The following OSBPL2 variants were observed in gnomAD, a reference collection of about 807,000 sequenced individuals.
The protein encoded by OSBPL2 is oxysterol-binding protein-related protein 2.
Under a neutral mutation model 58.4 loss-of-function variants are expected in OSBPL2, and 18 were observed. The observed-to-expected ratio is 0.31, with a 90% CI of 0.21 to 0.46. OSBPL2 has a LOEUF of 0.46. OSBPL2 is among the 20% of genes least tolerant of loss of function. The pLI is 1.00. For synonymous variants in OSBPL2, 221 were observed against 234.1 expected, an observed-to-expected ratio of 0.94 and a Z score of 0.51; for missense variants, 461 against 616.5, an observed-to-expected ratio of 0.75 and a Z score of 2.67.
At position 62,286,606 on chromosome 20, in the gene OSBPL2, C is replaced by T. The variant is rs1601199499; in HGVS notation, c.1020C>T (p.Asp340=). 6.2e-7 allele frequency: 1 copy of T among 1,613,536 alleles called. No homozygotes were observed. The highest frequency in any genetic ancestry group is 1.6e-4 in the Middle Eastern group (1 of 6,062). Residue 340 remains aspartate (D), a synonymous_variant, in exon 11 of 14, where the codon GAC becomes GAT. Coordinates refer to ENST00000313733, the MANE Select transcript of OSBPL2 (RefSeq NM_144498.4). ...AGGATGAAGACTCCGGGAAGGCTGA[C>T]AGCGACGTGGCTGACGACGTGCCTG... The part of the protein sequence containing the change: ...AKLDEDSGKA[D]SDVADDVPVA...
At chr20:62,289,711 C>T (rs779814991) in intron 12 of OSBPL2, among the ~76,000 whole-genome samples, 2 of 152,132 alleles carry the variant, frequency 1.3e-5, no homozygotes, top group Admixed American at 1.3e-4. Flanking sequence ...CGAAACCATC[C>T]TGGCCAACAA....
At chr20:62,262,093 C>G (rs558411530) in intron 3 of OSBPL2, among the ~76,000 whole-genome samples, 70 of 133,110 alleles carry the variant, frequency 5.3e-4, no homozygotes, top group African/African-American at 1.7e-3. Flanking sequence ...ACCCCCCCCC[C>G]ACCCCGTCAC....
At chr20:62,240,243 G>A (rs1259962641) in intron 1 of OSBPL2, among the ~76,000 whole-genome samples, 1 of 152,120 alleles carries the variant, frequency 6.6e-6, no homozygotes, top group Non-Finnish European at 1.5e-5. Flanking sequence ...GAACTTTGTC[G>A]GTGGCACTTC....
chr20:62,251,745 C>T (rs1601154604), intron 1 of OSBPL2, among the ~76,000 whole-genome samples: 1 of 151,886 alleles, frequency 6.6e-6, no homozygotes, highest in South Asian at 2.1e-4. Context: ...AATCCTCCTA[C>T]CATCAGATAC....
Position 62,293,844 on chromosome 20 carries a change from A to G in OSBPL2, c.1400A>G (p.Asp467Gly). ...ACCCCCGACTGGTTGTATGCAGGGG[A>G]TTACTTTGAGCGGAATTTCTCCGAC... The part of the protein sequence containing the change: ...TGTPDWLYAG[D>G]YFERNFSDCP... Residue 467 changes from aspartate (D) to glycine (G), a missense_variant, in exon 14 of 14, where the codon GAT (aspartate) becomes GGT (glycine). Asp to Gly is a moderately conservative substitution (Grantham distance 94). Transcript: ENST00000313733. 1 of 1,613,976 alleles carries G rather than the reference A, an allele frequency of 6.2e-7. No homozygotes were observed. Among genetic ancestry groups the G allele is most frequent in the Non-Finnish European group, 8.5e-7 (1 of 1,179,982 alleles).
intron 4 of OSBPL2, among the ~76,000 whole-genome samples, chr20:62,271,028 TTCTGGTCTC>T (rs1279184870): frequency 1.3e-5 from 2 of 149,870 alleles, no homozygotes; most frequent in African/African-American, 4.9e-5. Flanking sequence ...CCTTGTCCCT[TTCTGGTCTC>T]TCTGGTCCTC....
chr20:62,266,396 G>T (rs1484973826), intron 4 of OSBPL2, among the ~76,000 whole-genome samples: 1 of 152,214 alleles, frequency 6.6e-6, no homozygotes, highest in Non-Finnish European at 1.5e-5. Flanking sequence ...AAAAACACAA[G>T]CACACTTGGC....
rs539271729 is a variant in OSBPL2, at chr20:62,293,962, C to T, written c.*75C>T. The T allele has an allele frequency of 2.1e-5, 32 of 1,553,298 alleles. No individual in the cohort carries two copies. The highest frequency in any genetic ancestry group is 2.3e-5 in the East Asian group (1 of 43,230). ...TTCCTCGAGTGGCCACTGTGAGCCT[C>T]GTCACAGCAGAAACCAACTTTTCTA... On this transcript the variant is annotated 3_prime_UTR_variant, in exon 14 of 14. Coordinates refer to ENST00000313733, the MANE Select transcript of OSBPL2 (RefSeq NM_144498.4).
intron 11 of OSBPL2, among the ~76,000 whole-genome samples, chr20:62,287,454 A>G (rs1983208302): frequency 6.6e-6 from 1 of 152,130 alleles, no homozygotes; most frequent in African/African-American, 2.4e-5. Flanking sequence ...TGGTTTAACA[A>G]TGCTATTTTC....
At chr20:62,293,260 C>A (rs879747146) in intron 13 of OSBPL2, among the ~76,000 whole-genome samples, 1 of 152,106 alleles carries the variant, frequency 6.6e-6, no homozygotes. Flanking sequence ...GAGCGCTGCC[C>A]CCACCCCACC....
At chr20:62,281,249 G>A in intron 8 of OSBPL2, 84 bp downstream of exon 8, 1 of 1,027,956 alleles carries the variant, frequency 9.7e-7, no homozygotes, top group Non-Finnish European at 1.5e-6. Flanking sequence ...CCGTGCTCCT[G>A]GTGGGTTTTA....
Position 62,259,997 on chromosome 20 carries a change from C to T in OSBPL2, c.54C>T (p.Asn18=), listed in dbSNP as rs1981189154. ...CTCGCACAGGCTTTGATTCTGATAA[C>T]TCTTCTGGGGAATTTTCAGAGGCAA... is the stretch of plus-strand genomic sequence containing the variant. The part of the protein sequence containing the change: ...FDAVTGFDSD[N]SSGEFSEANQ... The change falls in exon 3 of 14, where the codon AAC becomes AAT. Residue 18 remains asparagine (N), a synonymous_variant. Transcript: ENST00000313733. The T allele has an allele frequency of 6.2e-7, 1 of 1,613,910 alleles. No individual in the cohort carries two copies. Among genetic ancestry groups the T allele is most frequent in the Non-Finnish European group, 8.5e-7 (1 of 1,179,912 alleles).
intron 3 of OSBPL2, among the ~76,000 whole-genome samples, chr20:62,263,214 C>G (rs1035215669): frequency 2.0e-5 from 3 of 152,198 alleles, no homozygotes; most frequent in African/African-American, 7.2e-5. Flanking sequence ...GCTTTTAATT[C>G]AGGTCACTCT....
chr20:62,239,269 C>T (rs1979558997), intron 1 of OSBPL2, among the ~76,000 whole-genome samples: 1 of 152,210 alleles, frequency 6.6e-6, no homozygotes, highest in Non-Finnish European at 1.5e-5. Flanking sequence ...CTACCTAAAA[C>T]CTATCTTTGG....
rs1034645790 is a variant in OSBPL2 at position 62,295,800 on chromosome 20, T to G, written c.*1913T>G. Reference sequence around the variant, plus strand: ...AGCTGAGAACATCCAGAGGTGAGACTCAGACACATTGAAAGTGACTGCATT... The same window carrying G: ...AGCTGAGAACATCCAGAGGTGAGACGCAGACACATTGAAAGTGACTGCATT... On this transcript the variant is annotated 3_prime_UTR_variant, in exon 14 of 14. Coordinates refer to ENST00000313733, the MANE Select transcript of OSBPL2 (RefSeq NM_144498.4). The surrounding 1 kb of genome is among the most constrained non-coding windows in gnomAD (Gnocchi z 4.8). The G allele has an allele frequency of 6.6e-6, 1 of 152,186 alleles. No homozygotes were observed. The highest frequency in any genetic ancestry group is 6.5e-5 in the Admixed American group (1 of 15,278). The allele number at this position is 152,186 out of a possible 1,614,324, so 9.4% of individuals were successfully genotyped here.
chr20:62,264,436 G>T (rs1284953463), intron 4 of OSBPL2, among the ~76,000 whole-genome samples: 1 of 152,142 alleles, frequency 6.6e-6, no homozygotes, highest in Non-Finnish European at 1.5e-5. Flanking sequence ...AGTGTCCCGT[G>T]CCTCCTGTAC....
At chr20:62,260,736 C>G (rs1346503574) in intron 3 of OSBPL2, among the ~76,000 whole-genome samples, 1 of 152,092 alleles carries the variant, frequency 6.6e-6, no homozygotes, top group Non-Finnish European at 1.5e-5. Context: ...GCCTGTAATC[C>G]CAGCACTTTG....
At chr20:62,256,556 T>C (rs1294505327) in intron 2 of OSBPL2, among the ~76,000 whole-genome samples, 1 of 152,240 alleles carries the variant, frequency 6.6e-6, no homozygotes, top group Admixed American at 6.5e-5. Flanking sequence ...TTGGCACTGC[T>C]TGATGCATCC....
At chr20:62,261,316 CA>C (rs11484468) in intron 3 of OSBPL2, among the ~76,000 whole-genome samples, 3,382 of 85,648 alleles carry the variant, frequency 0.039, 38 homozygotes, top group Non-Finnish European at 0.054. Context: ...ACTCCATCTC[CA>C]AAAAAAAAAA....
Sources: allele counts gnomAD v4.1 joint callset (sites outside exome capture counted in the v4.1 genomes callset), GRCh38; gene constraint gnomAD v4.1.1; non-coding constraint Gnocchi (gnomAD v3.1); transcripts MANE v1.5; gene names NCBI Gene and HGNC (gene_info 2026-07-23, HGNC 2026-07-21).